CACNB2: variants seen among roughly 807,000 people sequenced by gnomAD.
The protein encoded by CACNB2 is calcium voltage-gated channel auxiliary subunit beta 2.
In CACNB2, 42 loss-of-function variants were observed where a neutral mutation model predicts 73.3. The ratio of observed to expected loss-of-function variants is 0.57; its 90% CI spans 0.45 to 0.74. The LOEUF is 0.74. Among genes scored for constraint, CACNB2 ranks in the 30% least tolerant of loss-of-function variants. The pLI is 0.00. For missense variants in CACNB2, 940 were observed against 853.0 expected (o/e 1.10, Z -1.27); for synonymous variants, 348 against 310.3 (o/e 1.12, Z -1.28).
intron 10 of CACNB2, among the ~76,000 whole-genome samples, chr10:18,533,558 G>T (rs914520486): frequency 1.4e-4 from 22 of 152,096 alleles, no homozygotes; most frequent in African/African-American, 4.3e-4. Context: ...GTGTGTTTTT[G>T]GATAAGTTTC....
chr10:18,531,664 A>C (rs2053042558), intron 10 of CACNB2, among the ~76,000 whole-genome samples: 1 of 152,164 alleles, frequency 6.6e-6, no homozygotes, highest in Non-Finnish European at 1.5e-5. Context: ...CCATAACCTC[A>C]ACAGCATCTG....
chr10:18,247,616 G>T (rs1018436159), intron 2 of CACNB2, among the ~76,000 whole-genome samples: 8 of 152,042 alleles, frequency 5.3e-5, no homozygotes, highest in Admixed American at 1.3e-4. Flanking sequence ...AAATAACTTT[G>T]TCTAAGTCCA....
At chr10:18,455,832 C>A (rs1046885972) in intron 3 of CACNB2, among the ~76,000 whole-genome samples, 9 of 152,118 alleles carry the variant, frequency 5.9e-5, no homozygotes, top group African/African-American at 2.2e-4. Flanking sequence ...ATCCTTTTAG[C>A]AGAATTTCTT....
At chr10:18,155,300 A>G (rs950062908) in intron 2 of CACNB2, among the ~76,000 whole-genome samples, 2 of 152,208 alleles carry the variant, frequency 1.3e-5, no homozygotes, top group African/African-American at 2.4e-5. Flanking sequence ...AAATGGAATC[A>G]TTTTGTATCT....
chr10:18,387,064 G>T lies in CACNB2; in HGVS notation c.214-14860G>T, dbSNP rs998382921. Among the ~76,000 whole-genome samples the T allele has an allele frequency of 2.0e-5, 3 of 152,184 alleles. No individual in the cohort carries two copies. In the East Asian group the frequency reaches 5.8e-4, roughly 29 times the overall value. On this transcript the variant is annotated intron_variant, in intron 2 of 13. Coordinates refer to ENST00000324631, the MANE Select transcript of CACNB2 (RefSeq NM_201596.3). ...TATAAACTGAAAGTACTGAGTTTCA[G>T]AAGGCAGATCTAGCTGAGTCGTCTC...
intron 5 of CACNB2, among the ~76,000 whole-genome samples, chr10:18,503,887 T>C (rs1457665803): frequency 6.6e-6 from 1 of 152,202 alleles, no homozygotes; most frequent in Non-Finnish European, 1.5e-5. Flanking sequence ...TCTGGTGGAA[T>C]GGGAATTTTT....
chr10:18,220,193 A>C (rs11013056), intron 2 of CACNB2, among the ~76,000 whole-genome samples: 2 of 31,248 alleles, frequency 6.4e-5, no homozygotes, highest in African/African-American at 1.6e-4. Context: ...ATACATATAT[A>C]TGTGTGTGTA....
At chr10:18,515,089 C>A in intron 7 of CACNB2, 1 of 1,419,966 alleles carries the variant, frequency 7.0e-7, no homozygotes, top group Non-Finnish European at 9.9e-7. Flanking sequence ...GATGTTCTTG[C>A]CTTCTCCATC....
chr10:18,434,071 G>A (rs1180499339), intron 3 of CACNB2, among the ~76,000 whole-genome samples: 2 of 152,090 alleles, frequency 1.3e-5, no homozygotes, highest in African/African-American at 4.8e-5. Context: ...GTTTTATACA[G>A]AAAAACCATT....
Position 18,340,551 on chromosome 10 carries a change from T to G in CACNB2, c.214-61373T>G, listed in dbSNP as rs1267781876. ...TCTCGAGCAGGGCTGGAGTCCTGGC[T>G]GCCTGGAGGGACCTGTCGCATCTGA... is the stretch of plus-strand genomic sequence containing the variant. On this transcript the variant is annotated intron_variant, in intron 2 of 13. Transcript: ENST00000324631. 3 of 380,606 alleles carry G rather than the reference T, an allele frequency of 7.9e-6. No homozygotes were observed. The East Asian group carries it at 2.5e-4, about 31-fold the overall frequency. The allele number at this position is 380,606 out of a possible 1,614,324, so 23.6% of individuals were successfully genotyped here. A position where few individuals can be genotyped will look rare whatever the true frequency, so the allele number is the denominator to read the frequency against.
chr10:18,460,959 C>T (rs966107646), intron 3 of CACNB2, among the ~76,000 whole-genome samples: 9 of 151,454 alleles, frequency 5.9e-5, no homozygotes, highest in Non-Finnish European at 1.0e-4. Context: ...GACCGAGTTT[C>T]GTTCTTGTTG....
intron 2 of CACNB2, among the ~76,000 whole-genome samples, chr10:18,357,414 G>A (rs2041966701): frequency 6.6e-6 from 1 of 152,288 alleles, no homozygotes; most frequent in Admixed American, 6.5e-5. Context: ...ATTTCAATGG[G>A]TTATTATGCT....
intron 2 of CACNB2, among the ~76,000 whole-genome samples, chr10:18,233,585 C>A (rs1213624416): frequency 6.6e-6 from 1 of 152,040 alleles, no homozygotes; most frequent in African/African-American, 2.4e-5. Flanking sequence ...CAAGCTCTGC[C>A]AAAGCTGTGA....
chr10:18,510,616 A>G (rs1351696987), intron 6 of CACNB2, among the ~76,000 whole-genome samples: 1 of 152,160 alleles, frequency 6.6e-6, no homozygotes, highest in Non-Finnish European at 1.5e-5. Flanking sequence ...CTCTTATTTT[A>G]AAAAACAAAA....
At chr10:18,281,745 G>A (rs1564401265) in intron 2 of CACNB2, among the ~76,000 whole-genome samples, 1 of 152,114 alleles carries the variant, frequency 6.6e-6, no homozygotes, top group Admixed American at 6.5e-5. Context: ...TTTGGAGGCT[G>A]TGGCAGGTGG....
chr10:18,527,542 T>C, intron 9 of CACNB2, 46 bp from the exon 10 acceptor site: 2 of 1,236,098 alleles, frequency 1.6e-6, no homozygotes, highest in South Asian at 2.4e-5. Flanking sequence ...TCCCCTTTGA[T>C]TAGACCAATA....
intron 3 of CACNB2, among the ~76,000 whole-genome samples, chr10:18,476,562 A>C (rs564005179): frequency 6.6e-6 from 1 of 152,306 alleles, no homozygotes; most frequent in South Asian, 2.1e-4. Flanking sequence ...GGCTGAAGCG[A>C]TGTTATGAAG....
chr10:18,420,409 C>T (rs2132712915), intron 3 of CACNB2, among the ~76,000 whole-genome samples: 1 of 152,024 alleles, frequency 6.6e-6, no homozygotes, highest in Non-Finnish European at 1.5e-5. Flanking sequence ...GCTAAGAAAT[C>T]CCATGATCTG....
At position 18,240,880 on chromosome 10, in the gene CACNB2, G is replaced by T. The variant is rs188459611; in HGVS notation, c.213+89905G>T. Among the ~76,000 whole-genome samples, 48 of 152,024 alleles carry T rather than the reference G, an allele frequency of 3.2e-4. No individual in the cohort carries two copies. The East Asian group carries it at 8.9e-3, about 28-fold the overall frequency. On this transcript the variant is annotated intron_variant, in intron 2 of 13. Coordinates refer to ENST00000324631, the MANE Select transcript of CACNB2 (RefSeq NM_201596.3). ...AGTGGCCTCCACTCTGCCCTCTCTC[G>T]CTCTTGTTTCCCACGTGGCACTTAC...
Sources: gnomAD v4.1 joint callset for allele counts (sites outside exome capture counted in the v4.1 genomes callset) on GRCh38, gnomAD v4.1.1 for gene constraint, MANE v1.5 for transcripts, NCBI Gene and HGNC (gene_info 2026-07-23, HGNC 2026-07-21) for gene names.